Variants in PHF2 observed in about 807,000 individuals in gnomAD.
The protein encoded by PHF2 is lysine-specific demethylase PHF2.
A neutral mutation model predicts 120.5 loss-of-function variants in PHF2; 27 were observed. The ratio of observed to expected loss-of-function variants is 0.22; its 90% CI spans 0.17 to 0.31. PHF2 has a LOEUF of 0.31. PHF2 is among the 10% of genes least tolerant of loss of function. The pLI is 1.00. For synonymous variants in PHF2, 568 were observed against 592.5 expected, an observed-to-expected ratio of 0.96 and a Z score of 0.60; for missense variants, 1,024 against 1,434.8, an observed-to-expected ratio of 0.71 and a Z score of 4.63.
chr9:93,648,919 A>G, intron 4 of PHF2, 152 bp from the exon 5 acceptor site: 1 of 736,070 alleles, frequency 1.4e-6, no homozygotes, highest in South Asian at 1.8e-5. Flanking sequence ...GTGAAGCTCG[A>G]CGTTGGCACC....
rs200992138 is a variant in PHF2, at chr9:93,673,550, C to G, written c.2349-35C>G. ...AAGTGCCTGGGCTGCAGGCCAAGAG[C>G]ACTGGGCTGAGTGCCTGTCTCTCTG... On this transcript the variant is annotated intron_variant, in intron 17 of 21. Transcript: ENST00000359246. 678 of 1,522,128 alleles carry G rather than the reference C, an allele frequency of 4.5e-4. 1 individual carries two copies. Among genetic ancestry groups the G allele is most frequent in the Non-Finnish European group, 5.6e-4 (636 of 1,129,872 alleles). The allele number at this position is 1,522,128 out of a possible 1,614,324, so 94.3% of individuals were successfully genotyped here.
At chr9:93,621,108 C>T (rs1010931472) in intron 1 of PHF2, among the ~76,000 whole-genome samples, 3 of 152,204 alleles carry the variant, frequency 2.0e-5, no homozygotes, top group Non-Finnish European at 2.9e-5. Context: ...GTTGGAGCAG[C>T]AATGCAGATG....
chr9:93,662,838 T>A (rs1205189759), intron 12 of PHF2, 69 bp from the exon 13 acceptor site: 3 of 1,580,434 alleles, frequency 1.9e-6, no homozygotes, highest in African/African-American at 1.3e-5. Flanking sequence ...AGACAGGGAA[T>A]CTGTGGCTCA....
chr9:93,648,719 A>G (rs1481168650), intron 4 of PHF2, among the ~76,000 whole-genome samples: 1 of 152,176 alleles, frequency 6.6e-6, no homozygotes, highest in Non-Finnish European at 1.5e-5. Context: ...AAATGTAGGT[A>G]TGTCTCATGA....
In PHF2 at chr9:93,599,015, T is replaced by A. The variant is rs941334467; in HGVS notation, c.98+22144T>A. Among the ~76,000 whole-genome samples the A allele has an allele frequency of 2.0e-5, 3 of 152,140 alleles. No homozygotes were observed. The East Asian group carries it at 5.8e-4, about 29-fold the overall frequency. ...TACTGTGCGTGCCTCTCAGACATGA[T>A]GTCATTTATTGCACTGTTGCTCAGC... On this transcript the variant is annotated intron_variant, in intron 1 of 21. Transcript: ENST00000359246.
intron 2 of PHF2, among the ~76,000 whole-genome samples, chr9:93,632,513 C>T (rs1364897194): frequency 6.6e-6 from 1 of 152,168 alleles, no homozygotes; most frequent in Non-Finnish European, 1.5e-5. Context: ...AAGGTGCTGG[C>T]TGATTCAGTG....
At chr9:93,668,332 G>A (rs1826719766) in intron 17 of PHF2, among the ~76,000 whole-genome samples, 2 of 152,266 alleles carry the variant, frequency 1.3e-5, no homozygotes, top group South Asian at 4.1e-4. Context: ...CTGGCTGTGA[G>A]CTCCTCCTCC....
chr9:93,601,343 T>TG (rs1369246755), intron 1 of PHF2, among the ~76,000 whole-genome samples: 1 of 152,226 alleles, frequency 6.6e-6, no homozygotes, highest in Non-Finnish European at 1.5e-5. Context: ...AGCATAACTT[T>TG]ATAAAATAGT....
At chr9:93,603,260 A>G (rs1036464487) in intron 1 of PHF2, among the ~76,000 whole-genome samples, 2 of 152,206 alleles carry the variant, frequency 1.3e-5, no homozygotes, top group Non-Finnish European at 2.9e-5. Context: ...CCCCAGGGTC[A>G]GAGGCACTCG....
intron 1 of PHF2, among the ~76,000 whole-genome samples, chr9:93,587,693 GCT>G (rs1293966698): frequency 6.6e-6 from 1 of 152,118 alleles, no homozygotes; most frequent in African/African-American, 2.4e-5. Context: ...TTCTGCCCGA[GCT>G]CCCCCAGTGC....
At chr9:93,637,143 G>T (rs574820696) in intron 3 of PHF2, among the ~76,000 whole-genome samples, 1 of 152,334 alleles carries the variant, frequency 6.6e-6, no homozygotes, top group Non-Finnish European at 1.5e-5. Context: ...TCCGCTGGAC[G>T]CAGAATCCTA....
rs564358328 is a variant in PHF2, at chr9:93,625,034, A to G, written c.99-4936A>G. ...TGAACAATTCAGTGGTACTTAGTAA[A>G]TTCACAATGCTATGCAACCATTGCC... On this transcript the variant is annotated intron_variant, in intron 1 of 21. Transcript: ENST00000359246. Among the ~76,000 whole-genome samples, 13 of 152,336 alleles carry G rather than the reference A, an allele frequency of 8.5e-5. No homozygotes were observed. In the South Asian group the frequency reaches 2.5e-3, roughly 29 times the overall value.
chr9:93,593,182 T>C (rs1420062479), intron 1 of PHF2, among the ~76,000 whole-genome samples: 3 of 150,104 alleles, frequency 2.0e-5, no homozygotes, highest in Admixed American at 6.6e-5. Flanking sequence ...CCCCCTTCCC[T>C]GGAGTTGTTG....
In PHF2 at chr9:93,659,592, C is replaced by T; in HGVS notation, c.1321C>T (p.Leu441Phe). ...CAAAGACCTGGCCAAAGAGATCCGG[C>T]TCAGTGAGGTGGGGCCGTGTCCAGG... is the stretch of plus-strand genomic sequence containing the variant. ...LIKDLAKEIR[L>F]SENASKAVRP... Residue 441 changes from leucine (L) to phenylalanine (F), a missense_variant, in exon 11 of 22, where the codon CTC becomes TTC. Coordinates refer to ENST00000359246, the MANE Select transcript of PHF2 (RefSeq NM_005392.4). The T allele has an allele frequency of 6.2e-7, 1 of 1,613,936 alleles. No individual in the cohort carries two copies. The highest frequency in any genetic ancestry group is 8.5e-7 in the Non-Finnish European group (1 of 1,179,904).
intron 2 of PHF2, among the ~76,000 whole-genome samples, chr9:93,631,327 C>A (rs576899841): frequency 1.3e-5 from 2 of 152,280 alleles, no homozygotes; most frequent in East Asian, 1.9e-4. Context: ...TCGACCCTAT[C>A]CCCAGCACAG....
chr9:93,624,477 C>CGGTGATGGTGGTGAT (rs1825874483), intron 1 of PHF2, among the ~76,000 whole-genome samples: 1 of 138,188 alleles, frequency 7.2e-6, no homozygotes, highest in Non-Finnish European at 1.6e-5. Context: ...GATGGTGTGG[C>CGGTGATGGTGGTGAT]GGTGATGGTG....
chr9:93,659,688 A>G (rs1826524230), intron 11 of PHF2, 88 bp downstream of exon 11: 4 of 1,216,638 alleles, frequency 3.3e-6, no homozygotes, highest in Non-Finnish European at 4.7e-6. Flanking sequence ...CCAGCCTAAC[A>G]CAGAGCTGCC....
At chr9:93,594,976 T>C (rs550652217) in intron 1 of PHF2, 5 of 153,620 alleles carry the variant, frequency 3.3e-5, no homozygotes, top group African/African-American at 7.2e-5. Flanking sequence ...GGAATACTTA[T>C]AGTTACTTAG....
chr9:93,674,973 C>T lies in PHF2; in HGVS notation c.2673C>T (p.Ser891=). 1 of 1,613,972 alleles carries T rather than the reference C, an allele frequency of 6.2e-7. No individual in the cohort carries two copies. The highest frequency in any genetic ancestry group is 8.5e-7 in the Non-Finnish European group (1 of 1,179,976). Reference sequence around the variant, plus strand: ...ATGAAGACAACCCCATCTTTAAGTCCCGGTCGAAGAAAAGGAAAGGCTCAG... The same window carrying T: ...ATGAAGACAACCCCATCTTTAAGTCTCGGTCGAAGAAAAGGAAAGGCTCAG... ...ESDEDNPIFK[S]RSKKRKGSDD... The change falls in exon 19 of 22, where the codon TCC becomes TCT. Residue 891 remains serine, a synonymous_variant. Coordinates refer to ENST00000359246, the MANE Select transcript of PHF2 (RefSeq NM_005392.4).
Sources: allele counts gnomAD v4.1 joint callset (sites outside exome capture counted in the v4.1 genomes callset), GRCh38; gene constraint gnomAD v4.1.1; transcripts MANE v1.5; gene names NCBI Gene and HGNC (gene_info 2026-07-23, HGNC 2026-07-21).